Variants in TBRG4 observed in about 807,000 individuals in gnomAD.
The protein encoded by TBRG4 is transforming growth factor beta regulator 4, also known as FAST kinase domain-containing protein 4.
Under a neutral mutation model 65.6 loss-of-function variants are expected in TBRG4, and 43 were observed. The observed-to-expected ratio is 0.66, with a 90% CI of 0.51 to 0.85. The LOEUF is 0.85. Ranked by LOEUF, TBRG4 falls within the 40% of genes least tolerant of loss-of-function variation. TBRG4 has a pLI of 0.00. For synonymous variants in TBRG4, 366 were observed against 341.4 expected (o/e 1.07, Z -0.79); for missense variants, 709 against 787.9 (o/e 0.90, Z 1.20).
chr7:45,102,577 G>C, intron 6 of TBRG4, 86 bp from the exon 7 acceptor site: 1 of 1,539,002 alleles, frequency 6.5e-7, no homozygotes, highest in Non-Finnish European at 8.7e-7. Context: ...CCATGATGTG[G>C]TCTTGGCCTG....
At chr7:45,101,775 G>A (rs536444055) in intron 8 of TBRG4, 50 bp downstream of exon 8, 115 of 1,599,470 alleles carry the variant, frequency 7.2e-5, no homozygotes, top group Middle Eastern at 6.2e-4. Flanking sequence ...GAAGAGTCCC[G>A]TTAGACTCAG....
At chr7:45,103,056 C>A (rs1784818072) in intron 6 of TBRG4, 3 of 505,572 alleles carry the variant, frequency 5.9e-6, no homozygotes, top group Non-Finnish European at 1.1e-5. Flanking sequence ...CGAAGGCCCA[C>A]TGGAGCTTCT....
At position 45,111,668 on chromosome 7, in the gene TBRG4, A is replaced by C. The variant is rs1785132833; in HGVS notation, c.-76T>G. ...GCAGCGAGCACCACCGCTGACCTCCATCCGCCGCCCTAACTGTCCCCGGAA... is the reference window on the plus strand; with the variant it reads ...GCAGCGAGCACCACCGCTGACCTCCCTCCGCCGCCCTAACTGTCCCCGGAA... On this transcript the variant is annotated 5_prime_UTR_variant, in exon 1 of 11. It removes an upstream start codon present in the reference 5' UTR. Transcript: ENST00000258770. 1 of 1,289,286 alleles carries C rather than the reference A, an allele frequency of 7.8e-7. No individual in the cohort carries two copies. Among genetic ancestry groups the C allele is most frequent in the Non-Finnish European group, 1.0e-6 (1 of 988,830 alleles). 79.9% of individuals were successfully genotyped at this position (1,289,286 alleles called of 1,614,324 possible).
rs200081299 is a variant in TBRG4, at chr7:45,104,717, C to T, written c.736-8G>A. On this transcript the variant is annotated splice_polypyrimidine_tract_variant and splice_region_variant and intron_variant, in intron 3 of 10. Transcript: ENST00000258770. ...CTCCACCAACTCCAGGCACTGTCAACCACAGCCGCGCAGAGGTCAGCTCAA... is the reference window on the plus strand; with the variant it reads ...CTCCACCAACTCCAGGCACTGTCAATCACAGCCGCGCAGAGGTCAGCTCAA... 6.2e-7 allele frequency: 1 copy of T among 1,613,046 alleles called. No individual in the cohort carries two copies. Among genetic ancestry groups the T allele is most frequent in the African/African-American group, 1.3e-5 (1 of 75,062 alleles).
chr7:45,101,970 A>G lies in TBRG4; in HGVS notation c.1422T>C (p.Pro474=). ...EYPEYSGPLL[P]ASAVAPGPSA... is the part of the protein sequence containing the mutation. ...AGGGCCCAGGGGCCACAGCCGAGGC[A>G]GGCAGAAGGGGACCCGAGTACTCGG... Residue 474 remains proline, a synonymous_variant, in exon 8 of 11, where the codon CCT becomes CCC. Coordinates refer to ENST00000258770, the MANE Select transcript of TBRG4 (RefSeq NM_004749.4). The G allele has an allele frequency of 6.3e-7, 1 of 1,587,990 alleles. No individual in the cohort carries two copies. Among genetic ancestry groups the G allele is most frequent in the East Asian group, 2.2e-5 (1 of 44,600 alleles).
chr7:45,104,985 G>A, intron 3 of TBRG4: 1 of 750,468 alleles, frequency 1.3e-6, no homozygotes, highest in Non-Finnish European at 2.4e-6. Context: ...TGCTGTGGCA[G>A]CCATCTGGGC....
At chr7:45,108,236 C>CT (rs35246795) in intron 2 of TBRG4, among the ~76,000 whole-genome samples, 1 of 152,180 alleles carries the variant, frequency 6.6e-6, no homozygotes, top group Non-Finnish European at 1.5e-5. Flanking sequence ...GTCTGTACTC[C>CT]TTTTTTTGTA....
At chr7:45,105,226 T>G in intron 3 of TBRG4, 1 of 614,240 alleles carries the variant, frequency 1.6e-6, no homozygotes, top group Middle Eastern at 4.3e-4. Context: ...GAGGAGCAAG[T>G]GGTGCTTGAT....
Position 45,106,040 on chromosome 7 carries a change from C to T in TBRG4, c.412-276G>A, listed in dbSNP as rs543667176. ...GGCCTGTGAGTCACTGTTTCTGTGG[C>T]AGTCTTCTGGGCCAGTGCCTACCAT... On this transcript the variant is annotated intron_variant, in intron 2 of 10. Transcript: ENST00000258770. 2.2e-5 allele frequency: 15 copies of T among 669,174 alleles called. No individual in the cohort carries two copies. The East Asian group carries it at 4.7e-4, about 21-fold the overall frequency. The allele number at this position is 669,174 out of a possible 1,614,324, so 41.5% of individuals were successfully genotyped here. A position where few individuals can be genotyped will look rare whatever the true frequency, so the allele number is the denominator to read the frequency against.
rs1784727021 is a variant in TBRG4 at position 45,100,319 on chromosome 7, C to T, written c.*6G>A. ...AGAGGCACGCAGTCCATGCTGCTGG[C>T]ACAAGTCACTTGGCCAGCTCCTCAG... is the stretch of plus-strand genomic sequence containing the variant. On this transcript the variant is annotated 3_prime_UTR_variant, in exon 11 of 11. Transcript: ENST00000258770. 6.2e-7 allele frequency: 1 copy of T among 1,613,398 alleles called. No individual in the cohort carries two copies. Among genetic ancestry groups the T allele is most frequent in the African/African-American group, 1.3e-5 (1 of 74,928 alleles).
intron 6 of TBRG4, among the ~76,000 whole-genome samples, chr7:45,102,845 G>C (rs1334526415): frequency 1.3e-5 from 2 of 152,194 alleles, no homozygotes; most frequent in Non-Finnish European, 2.9e-5. Context: ...GGAATCTCTG[G>C]TCCTCTGAGA....
chr7:45,111,458 TAG>T (rs1785122388), intron 1 of TBRG4, 183 bp downstream of exon 1: 3 of 622,158 alleles, frequency 4.8e-6, no homozygotes, highest in Non-Finnish European at 7.2e-6. Flanking sequence ...CCGCGCGGGC[TAG>T]AGAGGAAGCG....
chr7:45,103,256 A>T, intron 6 of TBRG4, 77 bp downstream of exon 6: 3 of 1,224,220 alleles, frequency 2.5e-6, no homozygotes, highest in Non-Finnish European at 3.5e-6. Context: ...GCCCGAGCTG[A>T]TCTTGGGAGG....
At chr7:45,110,018 A>G (rs1472061905) in intron 1 of TBRG4, among the ~76,000 whole-genome samples, 1 of 151,884 alleles carries the variant, frequency 6.6e-6, no homozygotes, top group Non-Finnish European at 1.5e-5. Context: ...CTCTGTGGAT[A>G]TATTTTAACA....
Position 45,104,602 on chromosome 7 carries a change from GTA to G in TBRG4, c.841_842del (p.Tyr281ProfsTer50). 6.2e-7 allele frequency: 1 copy of G among 1,613,960 alleles called. No homozygotes were observed. Among genetic ancestry groups the G allele is most frequent in the Non-Finnish European group, 8.5e-7 (1 of 1,180,040 alleles). On this transcript the variant is annotated frameshift_variant, in exon 4 of 11. Transcript: ENST00000258770. LOFTEE classifies it high-confidence loss of function. ...GAGAGAAGGGCTTCTGCACCAGGTG[GTA>G]GGAGATGGCCCGCAGCAAGGGCACG... ...RSVPLLRAIS[Y>X]HLVQKPFSLT... is the part of the protein sequence containing the mutation.
intron 3 of TBRG4, chr7:45,105,020 G>A (rs139677075): frequency 1.4e-6 from 1 of 725,970 alleles, no homozygotes; most frequent in Admixed American, 1.7e-5. Context: ...ACAGAAACGG[G>A]CACTGAATTT....
intron 3 of TBRG4, 104 bp downstream of exon 3, chr7:45,105,337 C>G: frequency 7.8e-7 from 1 of 1,280,796 alleles, no homozygotes; most frequent in Non-Finnish European, 1.1e-6. Context: ...GGGCTCTGAT[C>G]CCAGTGCACA....
intron 5 of TBRG4, 47 bp downstream of exon 5, chr7:45,104,052 T>C (rs946824702): frequency 4.6e-6 from 7 of 1,527,798 alleles, no homozygotes; most frequent in East Asian, 2.4e-5. Context: ...TCCCAGCAGA[T>C]GGCCAGGAAG....
At chr7:45,103,986 G>GC in intron 5 of TBRG4, 113 bp downstream of exon 5, 1 of 1,347,076 alleles carries the variant, frequency 7.4e-7, no homozygotes, top group Non-Finnish European at 9.8e-7. Context: ...ATATGTATTT[G>GC]CCCCCACAAG....
Sources: allele counts gnomAD v4.1 joint callset (sites outside exome capture counted in the v4.1 genomes callset), GRCh38; gene constraint gnomAD v4.1.1; transcripts MANE v1.5; gene names NCBI Gene and HGNC (gene_info 2026-07-23, HGNC 2026-07-21).